UBXN8: variants seen among roughly 807,000 people sequenced by gnomAD.
The protein encoded by UBXN8 is UBX domain-containing protein 8.
UBXN8 carries 27 observed loss-of-function variants against 32.1 expected under a neutral mutation model. That is an observed-to-expected ratio of 0.84 (90% CI 0.62 to 1.16). The LOEUF is 1.16. Ranked by LOEUF, UBXN8 falls within the 50% of genes most tolerant of loss-of-function variation. The pLI is 0.00. For synonymous variants in UBXN8, 109 were observed against 111.8 expected (o/e 0.98, Z 0.16); for missense variants, 306 against 311.4 (o/e 0.98, Z 0.13).
chr8:30,742,275 G>A (rs960483969), upstream of UBXN8, among the ~76,000 whole-genome samples: 2 of 152,172 alleles, frequency 1.3e-5, no homozygotes, highest in Admixed American at 6.5e-5. Context: ...TTGCTTGGAG[G>A]ATAAAGTTCT....
upstream of UBXN8, chr8:30,732,243 T>C: frequency 2.5e-6 from 1 of 392,528 alleles, no homozygotes; most frequent in East Asian, 3.6e-5. Context: ...TCCAGTACGT[T>C]GATGACCTTT....
Position 30,756,803 on chromosome 8 carries a change from A to G in UBXN8, c.444A>G (p.Ser148=), listed in dbSNP as rs765385361. ...CAAGTCAGACATCTTTTGAAACATCAAACAGAGAAGCAGCAAAGAGCCAGA... is the reference window on the plus strand; with the variant it reads ...CAAGTCAGACATCTTTTGAAACATCGAACAGAGAAGCAGCAAAGAGCCAGA... ...EGTSQTSFET[S]NREAAKSQNL... Residue 148 remains serine, a synonymous_variant, in exon 5 of 8, where the codon TCA becomes TCG. Coordinates refer to ENST00000265616, the MANE Select transcript of UBXN8 (RefSeq NM_005671.4). The G allele has an allele frequency of 1.9e-6, 3 of 1,613,920 alleles. No individual in the cohort carries two copies. Among genetic ancestry groups the G allele is most frequent in the Admixed American group, 1.7e-5 (1 of 59,994 alleles).
At chr8:30,748,039 G>T (rs1277828695) in intron 1 of UBXN8, among the ~76,000 whole-genome samples, 1 of 144,730 alleles carries the variant, frequency 6.9e-6, no homozygotes, top group Non-Finnish European at 1.5e-5. Flanking sequence ...CTAATATTCA[G>T]ACATATATTG....
intron 5 of UBXN8, among the ~76,000 whole-genome samples, chr8:30,759,789 T>C (rs1247766624): frequency 1.3e-5 from 2 of 150,578 alleles, no homozygotes; most frequent in African/African-American, 4.9e-5. Flanking sequence ...ACCCTATCTC[T>C]ACTAAAAAAT....
At chr8:30,753,387 G>A (rs1805565878) in intron 3 of UBXN8, among the ~76,000 whole-genome samples, 1 of 152,144 alleles carries the variant, frequency 6.6e-6, no homozygotes, top group South Asian at 2.1e-4. Context: ...CTCCCGAGTA[G>A]CTGGGATTAC....
upstream of UBXN8, among the ~76,000 whole-genome samples, chr8:30,731,960 T>G (rs1804968051): frequency 6.6e-6 from 1 of 152,178 alleles, no homozygotes; most frequent in Non-Finnish European, 1.5e-5. Context: ...CATCCAACAG[T>G]ACCTAACCCG....
chr8:30,749,909 G>A (rs1805474552), intron 1 of UBXN8, among the ~76,000 whole-genome samples: 1 of 151,904 alleles, frequency 6.6e-6, no homozygotes, highest in South Asian at 2.1e-4. Context: ...TGACCAACAC[G>A]ATGATATTTT....
chr8:30,744,446 A>C (rs532398193), intron 1 of UBXN8, 169 bp downstream of exon 1: 5 of 663,960 alleles, frequency 7.5e-6, no homozygotes, highest in African/African-American at 1.8e-5. Context: ...ACTTCGAGGA[A>C]CCTTTTCCCT....
intron 1 of UBXN8, among the ~76,000 whole-genome samples, chr8:30,748,354 T>C (rs1805422112): frequency 6.6e-6 from 1 of 151,650 alleles, no homozygotes; most frequent in African/African-American, 2.4e-5. Flanking sequence ...TGGTCCCAGC[T>C]ACTTGGGAGG....
At position 30,735,252 on chromosome 8, in the gene UBXN8, T is replaced by A. The variant is rs374828117; in HGVS notation, c.622+1944T>A. Among the ~76,000 whole-genome samples, 14 of 152,330 alleles carry A rather than the reference T, an allele frequency of 9.2e-5. No homozygotes were observed. In the East Asian group the frequency reaches 1.3e-3, roughly 15 times the overall value. On this transcript the variant is annotated intron_variant, in intron 1 of 1. Coordinates refer to the UBXN8 transcript ENST00000522968. ...TAAAAAAATTTAAAAATTAAACAGC[T>A]GGTGAATGGCAGAGCAGGAATTCAA... is the stretch of plus-strand genomic sequence containing the variant.
At chr8:30,739,716 A>G (rs1805155588), upstream of UBXN8, among the ~76,000 whole-genome samples, 1 of 152,152 alleles carries the variant, frequency 6.6e-6, no homozygotes, top group South Asian at 2.1e-4. Flanking sequence ...GATTTATGCA[A>G]TCTCCGTGAC....
Position 30,766,544 on chromosome 8 carries a change from A to C in UBXN8, c.*150A>C. The C allele has an allele frequency of 1.3e-6, 1 of 770,298 alleles. No homozygotes were observed. Among genetic ancestry groups the C allele is most frequent in the Admixed American group, 3.2e-5 (1 of 31,290 alleles). 47.7% of individuals were successfully genotyped at this position (770,298 alleles called of 1,614,324 possible). On this transcript the variant is annotated 3_prime_UTR_variant, in exon 8 of 8. Transcript: ENST00000265616. ...TGATATCCATGGGAATAGGATTAGA[A>C]AAGGATTGCTTTCTATATATAATAA...
chr8:30,729,450 CTTGAA>C (rs1804899049), upstream of UBXN8, among the ~76,000 whole-genome samples: 1 of 152,204 alleles, frequency 6.6e-6, no homozygotes, highest in Non-Finnish European at 1.5e-5. Context: ...TTTGACTTGA[CTTGAA>C]TTGCTTGACA....
At chr8:30,761,344 A>G (rs1387694596) in intron 6 of UBXN8, among the ~76,000 whole-genome samples, 1 of 151,988 alleles carries the variant, frequency 6.6e-6, no homozygotes, top group Non-Finnish European at 1.5e-5. Flanking sequence ...TCCTGAGTTC[A>G]AGTGATTCTC....
chr8:30,743,968 T>C (rs1805279833), upstream of UBXN8, among the ~76,000 whole-genome samples: 1 of 152,186 alleles, frequency 6.6e-6, no homozygotes, highest in African/African-American at 2.4e-5. Context: ...CTGGACATCA[T>C]GTGACTTGGG....
intron 1 of UBXN8, chr8:30,734,011 C>T (rs1805022782): frequency 6.6e-6 from 1 of 152,224 alleles, no homozygotes; most frequent in South Asian, 2.1e-4. Context: ...CTACAACTAC[C>T]AACTGCACAA....
intron 5 of UBXN8, among the ~76,000 whole-genome samples, chr8:30,759,496 A>G (rs949961626): frequency 7.9e-5 from 12 of 151,758 alleles, no homozygotes. Context: ...CAGCCCCCGA[A>G]AGTTCTGGGA....
In UBXN8 at chr8:30,754,755, G is replaced by A. The variant is rs186481200; in HGVS notation, c.373G>A (p.Ala125Thr). 2 of 1,558,552 alleles carry A rather than the reference G, an allele frequency of 1.3e-6. No individual in the cohort carries two copies. The highest frequency in any genetic ancestry group is 2.2e-5 in the Admixed American group (1 of 44,648). ...EERFYQMTGE[A>T]WKLSSGHKLG... The stretch of plus-strand genomic sequence containing the variant: ...GCGCTTTTATCAAATGACGGGTGAA[G>A]CCTGGAAATTAAGCAGTGGTCACAA... The change falls in exon 4 of 8, where the codon GCC (alanine) becomes ACC (threonine). Residue 125 changes from alanine to threonine, a missense_variant. Transcript: ENST00000265616.
intron 1 of UBXN8, among the ~76,000 whole-genome samples, chr8:30,746,296 T>C (rs975097628): frequency 1.3e-5 from 2 of 151,954 alleles, no homozygotes; most frequent in Non-Finnish European, 2.9e-5. Context: ...TATATATTTT[T>C]TCCTTTTTTT....
Sources: gnomAD v4.1 joint callset for allele counts (sites outside exome capture counted in the v4.1 genomes callset) on GRCh38, gnomAD v4.1.1 for gene constraint, MANE v1.5 for transcripts, NCBI Gene and HGNC (gene_info 2026-07-23, HGNC 2026-07-21) for gene names.